Variants in GABRB2 observed in about 807,000 individuals in gnomAD.
GABRB2 encodes the protein gamma-aminobutyric acid receptor subunit beta-2.
In GABRB2, 16 loss-of-function variants were observed where a neutral mutation model predicts 54.7. The ratio of observed to expected loss-of-function variants is 0.29; its 90% CI spans 0.20 to 0.44. The LOEUF (loss-of-function observed/expected upper bound fraction) is 0.44. GABRB2 is among the 20% of genes least tolerant of loss of function. The pLI, the probability that GABRB2 is intolerant of heterozygous loss-of-function variation, is 1.00. For synonymous variants in GABRB2, 244 were observed against 233.8 expected (o/e 1.04, Z -0.40); for missense variants, 355 against 644.0 (o/e 0.55, Z 4.86).
intron 3 of GABRB2, among the ~76,000 whole-genome samples, chr5:161,492,682 C>T (rs1031593387): frequency 1.3e-5 from 2 of 151,304 alleles, no homozygotes; most frequent in Non-Finnish European, 3.0e-5. Flanking sequence ...AAGTATACAA[C>T]GTAAAAAGGA....
chr5:161,533,565 T>A lies in GABRB2; in HGVS notation c.237+11662A>T, dbSNP rs144913086. The stretch of plus-strand genomic sequence containing the variant: ...ATTCAGTTATTTATTTTGCATATAA[T>A]TTGCATGTTATTGTTATTGTTGCTT... On this transcript the variant is annotated intron_variant, in intron 3 of 9. Coordinates refer to ENST00000393959, the MANE Select transcript of GABRB2 (RefSeq NM_001371727.1). 3.9e-4 allele frequency among the ~76,000 whole-genome samples: 60 copies of A among 152,266 alleles called. 1 individual carries two copies. In the East Asian group the frequency reaches 0.011, roughly 27 times the overall value.
intron 5 of GABRB2, among the ~76,000 whole-genome samples, chr5:161,355,127 G>T (rs984207362): frequency 1.1e-4 from 16 of 151,460 alleles, no homozygotes; most frequent in Middle Eastern, 3.2e-3. Context: ...TATAATAATT[G>T]CTTTTTATAA....
At chr5:161,507,827 G>A (rs1647150863) in intron 3 of GABRB2, among the ~76,000 whole-genome samples, 1 of 151,966 alleles carries the variant, frequency 6.6e-6, no homozygotes, top group Admixed American at 6.6e-5. Context: ...CCACTAGAAT[G>A]GCTAAATTTA....
chr5:161,348,201 C>T (rs1174612421), intron 5 of GABRB2, among the ~76,000 whole-genome samples: 3 of 151,936 alleles, frequency 2.0e-5, no homozygotes, highest in African/African-American at 7.2e-5. Flanking sequence ...GGTTATAGCA[C>T]TTCATAATTA....
intron 3 of GABRB2, among the ~76,000 whole-genome samples, chr5:161,535,928 T>C (rs1162575027): frequency 6.6e-6 from 1 of 152,080 alleles, no homozygotes; most frequent in Non-Finnish European, 1.5e-5. Context: ...TGAGAGCTAA[T>C]TATTAAAAAG....
chr5:161,381,772 A>G (rs2077626902), intron 5 of GABRB2, among the ~76,000 whole-genome samples: 2 of 152,198 alleles, frequency 1.3e-5, no homozygotes, highest in South Asian at 4.1e-4. Flanking sequence ...CTCAGATTCA[A>G]ATCCAGTCTC....
intron 4 of GABRB2, among the ~76,000 whole-genome samples, chr5:161,423,137 T>TTG (rs752572980): frequency 1.3e-5 from 2 of 152,000 alleles, no homozygotes; most frequent in South Asian, 2.1e-4. Context: ...CAGGTTGTTT[T>TTG]TGTGTGTGTG....
At chr5:161,503,709 C>CAAAAAA (rs33992062) in intron 3 of GABRB2, among the ~76,000 whole-genome samples, 1 of 91,684 alleles carries the variant, frequency 1.1e-5, no homozygotes, top group African/African-American at 3.7e-5. Flanking sequence ...AATTCCTTCT[C>CAAAAAA]AAAAAAAAAA....
intron 8 of GABRB2, chr5:161,329,891 C>T (rs1418318987): frequency 6.6e-6 from 1 of 152,164 alleles, no homozygotes; most frequent in Non-Finnish European, 1.5e-5. Flanking sequence ...TCTGTTAGTG[C>T]AGCAAGTGCT....
rs1757253706 is a variant in GABRB2, at chr5:161,292,076, G to T, written c.*2005C>A. The stretch of plus-strand genomic sequence containing the variant: ...AAGATTATGTAATCAAAATATAATG[G>T]CCAAGGTTTCCTACACTGGTGAAAA... On this transcript the variant is annotated 3_prime_UTR_variant, in exon 10 of 10. Coordinates refer to ENST00000393959, the MANE Select transcript of GABRB2 (RefSeq NM_001371727.1). The T allele has an allele frequency of 6.7e-6, 1 of 149,360 alleles. No homozygotes were observed. The highest frequency in any genetic ancestry group is 2.1e-4 in the South Asian group (1 of 4,746). 9.3% of individuals were successfully genotyped at this position (149,360 alleles called of 1,614,324 possible).
intron 4 of GABRB2, among the ~76,000 whole-genome samples, chr5:161,419,972 A>G (rs1756801780): frequency 6.6e-6 from 1 of 152,196 alleles, no homozygotes; most frequent in Non-Finnish European, 1.5e-5. Context: ...AAATAAAAAT[A>G]AATAAAAATT....
chr5:161,489,834 A>C (rs1759047303), intron 3 of GABRB2, among the ~76,000 whole-genome samples: 1 of 151,808 alleles, frequency 6.6e-6, no homozygotes, highest in South Asian at 2.1e-4. Context: ...TTTAGTCACC[A>C]CTTGAATATA....
intron 5 of GABRB2, among the ~76,000 whole-genome samples, chr5:161,398,565 A>C (rs1054939543): frequency 6.6e-6 from 1 of 152,152 alleles, no homozygotes; most frequent in African/African-American, 2.4e-5. Context: ...AGATACCATC[A>C]GCATGTGCCA....
intron 3 of GABRB2, among the ~76,000 whole-genome samples, chr5:161,463,564 T>TAGATAC: frequency 1.1e-5 from 1 of 87,508 alleles, no homozygotes; most frequent in Non-Finnish European, 2.7e-5. Flanking sequence ...TTTATATATA[T>TAGATAC]ATATATATAT....
intron 9 of GABRB2, among the ~76,000 whole-genome samples, chr5:161,313,743 G>T (rs544062624): frequency 6.6e-6 from 1 of 152,160 alleles, no homozygotes; most frequent in African/African-American, 2.4e-5. Flanking sequence ...TTTCCAGGGT[G>T]GGACTGTAAG....
chr5:161,367,945 C>A (rs568676903), intron 5 of GABRB2, among the ~76,000 whole-genome samples: 1 of 152,272 alleles, frequency 6.6e-6, no homozygotes, highest in South Asian at 2.1e-4. Flanking sequence ...AGTCCATCTG[C>A]AGTCAGGCAT....
At chr5:161,332,165 CA>C (rs5872708) in intron 7 of GABRB2, among the ~76,000 whole-genome samples, 240 of 69,436 alleles carry the variant, frequency 3.5e-3, no homozygotes, top group African/African-American at 9.3e-3. Context: ...GACTCCGTCT[CA>C]AAAAAAAAAA....
intron 5 of GABRB2, among the ~76,000 whole-genome samples, chr5:161,398,115 A>G (rs2910285): frequency 0.56 from 84,799 of 151,972 alleles, 25,475 homozygotes; most frequent in South Asian, 0.67. Flanking sequence ...TACCGAATAT[A>G]TTTGTTTAAG....
At chr5:161,336,814 C>CCAA in intron 5 of GABRB2, 45 bp from the exon 6 acceptor site, 2 of 1,105,780 alleles carry the variant, frequency 1.8e-6, no homozygotes, top group South Asian at 2.0e-5. Context: ...ATACAGAAAA[C>CCAA]AAAAAAAAAA....
Sources: allele counts gnomAD v4.1 joint callset (sites outside exome capture counted in the v4.1 genomes callset), GRCh38; gene constraint gnomAD v4.1.1; transcripts MANE v1.5; gene names NCBI Gene and HGNC (gene_info 2026-07-23, HGNC 2026-07-21).